MGAM: variants seen among roughly 807,000 people sequenced by gnomAD.
MGAM encodes alpha-1,4-glucosidase.
MGAM carries 253 observed loss-of-function variants against 358.8 expected under a neutral mutation model. That is an observed-to-expected ratio of 0.71 (90% confidence interval 0.64 to 0.78). The LOEUF (loss-of-function observed/expected upper bound fraction) is 0.78, where lower values mean the gene tolerates loss of function less well. MGAM is among the 30% of genes least tolerant of loss of function. The pLI is 0.00. For missense variants in MGAM, 3,080 were observed against 3,432.6 expected (o/e 0.90, Z 2.57); for synonymous variants, 1,105 against 1,227.1 (o/e 0.90, Z 2.08).
At chr7:142,011,691 G>A (rs985773755) in intron 3 of MGAM, among the ~76,000 whole-genome samples, 7 of 152,126 alleles carry the variant, frequency 4.6e-5, no homozygotes, top group African/African-American at 1.4e-4. Context: ...CTCATTAAAC[G>A]TTCGATTAAA....
chr7:142,034,991 G>A (rs947867799), intron 16 of MGAM, 150 bp downstream of exon 16: 8 of 741,980 alleles, frequency 1.1e-5, no homozygotes, highest in Non-Finnish European at 1.7e-5. Flanking sequence ...CATCAGCAGG[G>A]CTTTGATACC....
At chr7:142,057,442 GGTGGTA>G (rs1418983452) in intron 30 of MGAM, among the ~76,000 whole-genome samples, 4 of 150,300 alleles carry the variant, frequency 2.7e-5, no homozygotes. Flanking sequence ...TTATGGTGGT[GGTGGTA>G]GTGGTGGTGA....
At chr7:142,023,510 T>C (rs567722097) in intron 7 of MGAM, among the ~76,000 whole-genome samples, 3 of 152,076 alleles carry the variant, frequency 2.0e-5, no homozygotes, top group African/African-American at 7.2e-5. Flanking sequence ...CTAGAAAATA[T>C]AATAATTTCT....
chr7:141,993,950 A>T (rs1804051921), upstream of MGAM, among the ~76,000 whole-genome samples: 1 of 152,194 alleles, frequency 6.6e-6, no homozygotes, highest in African/African-American at 2.4e-5. Flanking sequence ...ATCTCAGCTC[A>T]CTACAACCTC....
chr7:142,054,707 G>C lies in MGAM; in HGVS notation c.3160-47G>C, dbSNP rs764975501. On this transcript the variant is annotated intron_variant, in intron 26 of 70. Transcript: ENST00000475668. ...CAAAAAGGTTCTGCTAAGGGTATAG[G>C]TTTCAAGAGTAGTATTGTTGCCTAA... is the stretch of plus-strand genomic sequence containing the variant. 1.3e-4 allele frequency: 213 copies of C among 1,604,686 alleles called. 5 individuals carry two copies. The South Asian group carries it at 1.8e-3, about 13-fold the overall frequency.
rs1254533834 is a variant in MGAM at position 142,074,239 on chromosome 7, C to T, written c.5275+66C>T. 3.6e-6 allele frequency: 4 copies of T among 1,112,964 alleles called. No homozygotes were observed. The African/African-American group carries it at 4.4e-5, about 12-fold the overall frequency. 68.9% of individuals were successfully genotyped at this position (1,112,964 alleles called of 1,614,324 possible). On this transcript the variant is annotated intron_variant, in intron 45 of 70. Transcript: ENST00000475668. Reference sequence around the variant, plus strand: ...GCCTGTGACTTATGGTCCTTCACTCCTGCTGGTCATTCAGCTGTGGGAGAA... The same window carrying T: ...GCCTGTGACTTATGGTCCTTCACTCTTGCTGGTCATTCAGCTGTGGGAGAA...
chr7:142,037,923 C>T (rs1366627579), intron 18 of MGAM, among the ~76,000 whole-genome samples: 3 of 152,108 alleles, frequency 2.0e-5, no homozygotes, highest in East Asian at 1.9e-4. Flanking sequence ...CTTTAAGTTA[C>T]TTTTAAATGT....
chr7:142,036,905 T>G lies in MGAM; in HGVS notation c.2159T>G (p.Leu720Trp), dbSNP rs782651235. 6.2e-7 allele frequency: 1 copy of G among 1,613,780 alleles called. No individual in the cohort carries two copies. Among genetic ancestry groups the G allele is most frequent in the Non-Finnish European group, 8.5e-7 (1 of 1,179,698 alleles). The stretch of plus-strand genomic sequence containing the variant: ...TACCTTAACATCCGCTATACTCTAT[T>G]GCCCTACCTATACACCCTCTTCTTC... Reference protein sequence around the residue: ...RHYLNIRYTLLPYLYTLFFRA... With the variant: ...RHYLNIRYTLWPYLYTLFFRA... Residue 720 changes from leucine (L) to tryptophan (W), a missense_variant, in exon 18 of 71, where the codon TTG (leucine) becomes TGG (tryptophan). Transcript: ENST00000475668.
At chr7:142,023,430 CATATAT>C (rs111642860) in intron 7 of MGAM, among the ~76,000 whole-genome samples, 49 of 148,186 alleles carry the variant, frequency 3.3e-4, no homozygotes, top group African/African-American at 1.2e-3. Flanking sequence ...ATTTATTAGT[CATATAT>C]ATATATATAT....
At chr7:142,063,453 G>A (rs759392572) in intron 35 of MGAM, 46 bp from the exon 36 acceptor site, 16 of 1,589,192 alleles carry the variant, frequency 1.0e-5, no homozygotes, top group African/African-American at 5.4e-5. Flanking sequence ...TTGGCAGGAC[G>A]TAATTATCTT....
chr7:142,041,927 T>A (rs1479889248), intron 21 of MGAM, among the ~76,000 whole-genome samples: 52 of 62,852 alleles, frequency 8.3e-4, no homozygotes, highest in African/African-American at 6.6e-3. Context: ...GTATAATATA[T>A]AATATATATA....
At chr7:142,055,410 A>T in intron 27 of MGAM, 148 bp from the exon 28 acceptor site, 1 of 964,366 alleles carries the variant, frequency 1.0e-6, no homozygotes, top group Non-Finnish European at 1.6e-6. Context: ...TATCTGTGAT[A>T]TTTTAATCAA....
In MGAM at chr7:142,027,511, G is replaced by A. The variant is rs1807084861; in HGVS notation, c.1096-99G>A. The A allele has an allele frequency of 3.1e-6, 4 of 1,295,038 alleles. No individual in the cohort carries two copies. In the South Asian group the frequency reaches 4.0e-5, roughly 13 times the overall value. The allele number at this position is 1,295,038 out of a possible 1,614,324, so 80.2% of individuals were successfully genotyped here. On this transcript the variant is annotated intron_variant, in intron 9 of 70. Coordinates refer to ENST00000475668, the MANE Select transcript of MGAM (RefSeq NM_001365693.1). ...TCTAACATTAATGAATCAGTGCATT[G>A]GGAAATGGACTATGTTTGGTGCTCT...
chr7:142,010,487 T>C (rs1437970845), intron 3 of MGAM, among the ~76,000 whole-genome samples: 1 of 152,042 alleles, frequency 6.6e-6, no homozygotes, highest in Admixed American at 6.6e-5. Context: ...ATTCCATGTA[T>C]TTTAAAATAT....
At position 141,996,295 on chromosome 7, in the gene MGAM, C is replaced by T. The variant is rs544593896; in HGVS notation, c.-3+365C>T. On this transcript the variant is annotated intron_variant, in intron 1 of 70. Transcript: ENST00000475668. Reference sequence around the variant, plus strand: ...CAGCCTGGGTCGTAGAGCGATACTCCGTCTCAAAAAAAAAAAAAAAGCCCT... The same window carrying T: ...CAGCCTGGGTCGTAGAGCGATACTCTGTCTCAAAAAAAAAAAAAAAGCCCT... Among the ~76,000 whole-genome samples, 37 of 147,776 alleles carry T rather than the reference C, an allele frequency of 2.5e-4. 1 individual carries two copies. Among genetic ancestry groups the T allele is most frequent in the Middle Eastern group, 3.5e-3 (1 of 286 alleles).
intron 31 of MGAM, among the ~76,000 whole-genome samples, chr7:142,059,007 A>G (rs1411450126): frequency 5.3e-5 from 8 of 152,214 alleles, no homozygotes; most frequent in Admixed American, 5.2e-4. Flanking sequence ...AATGTTGTGT[A>G]TGATTACCCT....
Position 142,031,664 on chromosome 7 carries a change from T to C in MGAM, c.1471-16T>C, listed in dbSNP as rs781948753. ...TTTAATTTACTCTTACCAGTGTTTT[T>C]CTTTTTCTCCTGAAGGTCTGGCCTG... On this transcript the variant is annotated splice_polypyrimidine_tract_variant and intron_variant, in intron 12 of 70. Coordinates refer to ENST00000475668, the MANE Select transcript of MGAM (RefSeq NM_001365693.1). The C allele has an allele frequency of 3.9e-6, 6 of 1,553,866 alleles. No homozygotes were observed. The highest frequency in any genetic ancestry group is 5.3e-6 in the Non-Finnish European group (6 of 1,129,478).
Position 142,100,849 on chromosome 7 carries a change from C to T in MGAM, c.7922C>T (p.Thr2641Ile). 6.2e-7 allele frequency: 1 copy of T among 1,613,320 alleles called. No homozygotes were observed. The highest frequency in any genetic ancestry group is 8.5e-7 in the Non-Finnish European group (1 of 1,179,670). The change falls in exon 68 of 71, where the codon ACT becomes ATT. Residue 2641 changes from threonine to isoleucine, a missense_variant. Transcript: ENST00000475668. ...AAAATTGCCTTGGATGATGAAGGAA[C>T]TGCTGGGGGCTGGCTCTTCTGGGAT... is the stretch of plus-strand genomic sequence containing the variant. ...GFKIALDDEGTAGGWLFWDDG... is the reference protein window; with the variant it reads ...GFKIALDDEGIAGGWLFWDDG...
chr7:142,021,195 A>G (rs1806425456), intron 5 of MGAM, 112 bp downstream of exon 5: 1 of 695,656 alleles, frequency 1.4e-6, no homozygotes, highest in African/African-American at 1.8e-5. Flanking sequence ...ATTTTTCTAT[A>G]TTGCTATTAT....
Sources: allele counts gnomAD v4.1 joint callset (sites outside exome capture counted in the v4.1 genomes callset), GRCh38; gene constraint gnomAD v4.1.1; transcripts MANE v1.5; gene names NCBI Gene and HGNC (gene_info 2026-07-23, HGNC 2026-07-21).